TGFA: variants seen among roughly 807,000 people sequenced by gnomAD.
The protein encoded by TGFA is protransforming growth factor alpha.
A neutral mutation model predicts 21.7 loss-of-function variants in TGFA; 12 were observed. The observed-to-expected ratio is 0.55, with a 90% CI of 0.35 to 0.90. The LOEUF is 0.90. Ranked by LOEUF, TGFA falls within the 40% of genes least tolerant of loss-of-function variation. TGFA has a pLI of 0.01. For missense variants in TGFA, 178 were observed against 210.8 expected (o/e 0.84, Z 0.96); for synonymous variants, 79 against 88.1 (o/e 0.90, Z 0.58).
At chr2:70,512,970 G>A (rs1672151306) in intron 2 of TGFA, among the ~76,000 whole-genome samples, 1 of 152,132 alleles carries the variant, frequency 6.6e-6, no homozygotes, top group Non-Finnish European at 1.5e-5. Context: ...CGGGAAACTA[G>A]GGATAGAGGC....
At chr2:70,469,670 G>T (rs1339947560) in intron 2 of TGFA, among the ~76,000 whole-genome samples, 1 of 152,198 alleles carries the variant, frequency 6.6e-6, no homozygotes, top group African/African-American at 2.4e-5. Flanking sequence ...ACTAATGTTT[G>T]AGACGCAGGC....
intron 1 of TGFA, among the ~76,000 whole-genome samples, chr2:70,550,962 G>A (rs782054829): frequency 7.2e-5 from 11 of 152,172 alleles, no homozygotes; most frequent in Non-Finnish European, 1.0e-4. Context: ...TCGAAGGAAT[G>A]GTAAAGAGCA....
rs115689414 is a variant in TGFA at position 70,533,235 on chromosome 2, C to G, written c.41-18323G>C. Among the ~76,000 whole-genome samples the G allele has an allele frequency of 8.1e-3, 1,228 of 152,254 alleles. 15 individuals carry two copies. Among genetic ancestry groups the G allele is most frequent in the African/African-American group, 0.028 (1,183 of 41,534 alleles). On this transcript the variant is annotated intron_variant, in intron 1 of 5. Transcript: ENST00000295400. ...TCACTGGTTCTGTGCAGTTTGGACTCCTTGTGTTCTGAGGTACAAGCTGAA... is the reference window on the plus strand; with the variant it reads ...TCACTGGTTCTGTGCAGTTTGGACTGCTTGTGTTCTGAGGTACAAGCTGAA...
intron 1 of TGFA, among the ~76,000 whole-genome samples, chr2:70,520,593 T>C (rs1217819748): frequency 6.6e-6 from 1 of 151,940 alleles, no homozygotes; most frequent in Non-Finnish European, 1.5e-5. Context: ...GCAAATTAAG[T>C]AAAAAAAGAG....
intron 1 of TGFA, chr2:70,553,408 T>C (rs1454814418): frequency 6.9e-7 from 1 of 1,442,820 alleles, no homozygotes; most frequent in East Asian, 2.5e-5. Context: ...CAGGTAGGTG[T>C]AGGCATGTGT....
chr2:70,550,278 A>ATT lies in TGFA; in HGVS notation c.40+3448_40+3449dup, dbSNP rs577781426. 3.6e-3 allele frequency among the ~76,000 whole-genome samples: 550 copies of ATT among 151,200 alleles called. 3 individuals carry two copies. The highest frequency in any genetic ancestry group is 0.013 in the African/African-American group (522 of 41,240). ...CAGTTGCATTTTGTGTGCAGTCCTT[A>ATT]TTTTTTTTTATAAATAGCTTCCATA... On this transcript the variant is annotated intron_variant, in intron 1 of 5. Coordinates refer to ENST00000295400, the MANE Select transcript of TGFA (RefSeq NM_003236.4).
chr2:70,482,421 G>C (rs116073245), intron 2 of TGFA, among the ~76,000 whole-genome samples: 326 of 152,260 alleles, frequency 2.1e-3, no homozygotes, highest in Middle Eastern at 0.021. Context: ...TAAAGCTCTA[G>C]GTTACAGGAA....
chr2:70,531,162 T>C (rs1163468580), intron 1 of TGFA, among the ~76,000 whole-genome samples: 2 of 152,210 alleles, frequency 1.3e-5, no homozygotes, highest in African/African-American at 4.8e-5. Context: ...AGAATACTCA[T>C]GTGATAACTC....
At chr2:70,474,887 T>TCAAA (rs1670873784) in intron 2 of TGFA, among the ~76,000 whole-genome samples, 1 of 151,906 alleles carries the variant, frequency 6.6e-6, no homozygotes, top group Non-Finnish European at 1.5e-5. Flanking sequence ...GGAACCAAAT[T>TCAAA]CAAACAAAGA....
intron 2 of TGFA, among the ~76,000 whole-genome samples, chr2:70,477,130 A>T (rs1362215656): frequency 6.6e-6 from 1 of 152,238 alleles, no homozygotes; most frequent in Non-Finnish European, 1.5e-5. Flanking sequence ...CACAGACAGA[A>T]TTGTAGTGTT....
chr2:70,529,596 C>G (rs959431034), intron 1 of TGFA, among the ~76,000 whole-genome samples: 3 of 136,220 alleles, frequency 2.2e-5, no homozygotes, highest in African/African-American at 1.1e-4. Context: ...AATCCCCCCG[C>G]CCCAGTCCTA....
intron 5 of TGFA, among the ~76,000 whole-genome samples, chr2:70,452,465 GT>G (rs1365637195): frequency 1.3e-5 from 2 of 150,420 alleles, no homozygotes. Flanking sequence ...GGATCTAAGG[GT>G]TTTAAGGTCA....
intron 1 of TGFA, among the ~76,000 whole-genome samples, chr2:70,543,005 A>T (rs1360992569): frequency 6.6e-6 from 1 of 151,804 alleles, no homozygotes; most frequent in Non-Finnish European, 1.5e-5. Flanking sequence ...TGGGAGGCTG[A>T]AGCAGGAGAA....
chr2:70,488,329 T>C (rs974860320), intron 2 of TGFA, among the ~76,000 whole-genome samples: 3 of 152,222 alleles, frequency 2.0e-5, no homozygotes, highest in African/African-American at 7.2e-5. Context: ...CTTCCTTCCA[T>C]TATTTTATTG....
chr2:70,550,479 AT>A (rs1367424848), intron 1 of TGFA, among the ~76,000 whole-genome samples: 3 of 151,842 alleles, frequency 2.0e-5, no homozygotes, highest in African/African-American at 7.2e-5. Flanking sequence ...AATAATTAAA[AT>A]TAAAAAAGAT....
chr2:70,467,033 AC>A (rs1259041754), intron 2 of TGFA, among the ~76,000 whole-genome samples: 1 of 151,494 alleles, frequency 6.6e-6, no homozygotes, highest in Non-Finnish European at 1.5e-5. Flanking sequence ...CTCCCCCCAT[AC>A]CCTTTTGGGG....
chr2:70,551,787 A>C (rs1041455356), intron 1 of TGFA, among the ~76,000 whole-genome samples: 44 of 152,058 alleles, frequency 2.9e-4, no homozygotes, highest in Admixed American at 5.9e-4. Context: ...CAATCTTTTA[A>C]AGTTTATACA....
intron 3 of TGFA, among the ~76,000 whole-genome samples, chr2:70,460,660 T>C (rs1553491350): frequency 6.6e-6 from 1 of 152,226 alleles, no homozygotes; most frequent in African/African-American, 2.4e-5. Context: ...CACCAAGTCC[T>C]ATAACCTCTG....
intron 2 of TGFA, among the ~76,000 whole-genome samples, chr2:70,501,558 A>G (rs1671738538): frequency 6.6e-6 from 1 of 152,162 alleles, no homozygotes; most frequent in Non-Finnish European, 1.5e-5. Flanking sequence ...GCCCTTCAGT[A>G]TAATAATACC....
Sources: gnomAD v4.1 joint callset for allele counts (sites outside exome capture counted in the v4.1 genomes callset) on GRCh38, gnomAD v4.1.1 for gene constraint, MANE v1.5 for transcripts, NCBI Gene and HGNC (gene_info 2026-07-23, HGNC 2026-07-21) for gene names.